Variants in PCDH7 observed in about 807,000 individuals in gnomAD.
The protein encoded by PCDH7 is protocadherin-7.
PCDH7 carries 17 observed loss-of-function variants against 58.9 expected under a neutral mutation model. That is an observed-to-expected ratio of 0.29 (90% confidence interval 0.20 to 0.43). PCDH7 has a LOEUF of 0.43. Ranked by LOEUF, PCDH7 falls within the 20% of genes least tolerant of loss-of-function variation. The pLI, the probability that PCDH7 is intolerant of heterozygous loss-of-function variation, is 1.00. For synonymous variants in PCDH7, 664 were observed against 616.4 expected (o/e 1.08, Z -1.14); for missense variants, 1,274 against 1,441.0 (o/e 0.88, Z 1.88).
rs148838411 is a variant in PCDH7 at position 30,974,145 on chromosome 4, G to GTTCTTTCT, written c.*7+23949_*7+23956dup. Among the ~76,000 whole-genome samples the GTTCTTTCT allele has an allele frequency of 3.9e-3, 593 of 150,894 alleles. 2 individuals carry two copies. Among genetic ancestry groups the GTTCTTTCT allele is most frequent in the Non-Finnish European group, 4.1e-3 (275 of 67,686 alleles). The stretch of plus-strand genomic sequence containing the variant: ...ATCCATGAATACTACTGGTGTTGCA[G>GTTCTTTCT]TTCTTTCTTTCTTTCTTTCTTTCTT... On this transcript the variant is annotated intron_variant, in intron 3 of 3. Coordinates refer to the PCDH7 transcript ENST00000509759.
At chr4:30,923,033 T>A (rs1426190672) in intron 2 of PCDH7, among the ~76,000 whole-genome samples, 1 of 152,188 alleles carries the variant, frequency 6.6e-6, no homozygotes, top group Admixed American at 6.5e-5. Flanking sequence ...TTAATTGGAA[T>A]CCAGGTAATC....
intron 1 of PCDH7, among the ~76,000 whole-genome samples, chr4:30,792,675 T>C (rs1226311481): frequency 1.3e-5 from 2 of 152,168 alleles, no homozygotes; most frequent in Admixed American, 6.5e-5. Flanking sequence ...GTTTTCTAAT[T>C]GCTACTGCTC....
intron 2 of PCDH7, among the ~76,000 whole-genome samples, chr4:30,932,578 T>A (rs1172935197): frequency 1.3e-5 from 2 of 152,214 alleles, no homozygotes; most frequent in Non-Finnish European, 2.9e-5. Context: ...ATCACTCATA[T>A]GTATATTTGT....
At chr4:31,081,436 T>G (rs1016816971) in intron 3 of PCDH7, among the ~76,000 whole-genome samples, 2 of 152,208 alleles carry the variant, frequency 1.3e-5, no homozygotes, top group East Asian at 3.8e-4. Flanking sequence ...TAACATTTTA[T>G]AAATGGAAAT....
chr4:31,042,885 G>T (rs1468865741), intron 3 of PCDH7, among the ~76,000 whole-genome samples: 1 of 152,092 alleles, frequency 6.6e-6, no homozygotes, highest in Non-Finnish European at 1.5e-5. Context: ...CGTTCTAGGG[G>T]CTGGAAAGTC....
intron 3 of PCDH7, among the ~76,000 whole-genome samples, chr4:31,068,994 G>C (rs996753422): frequency 2.6e-5 from 4 of 151,788 alleles, no homozygotes; most frequent in African/African-American, 4.8e-5. Flanking sequence ...AAATGTTGAG[G>C]GTAACAGAAA....
chr4:31,064,380 T>C (rs1757919074), intron 3 of PCDH7, among the ~76,000 whole-genome samples: 1 of 151,978 alleles, frequency 6.6e-6, no homozygotes, highest in Non-Finnish European at 1.5e-5. Flanking sequence ...GTTCTCTCTG[T>C]GTTTGTAGGG....
chr4:30,932,137 G>C (rs1313848552), intron 2 of PCDH7, among the ~76,000 whole-genome samples: 1 of 152,130 alleles, frequency 6.6e-6, no homozygotes, highest in African/African-American at 2.4e-5. Context: ...TCAGTTGTCA[G>C]TAATACTATG....
intron 3 of PCDH7, among the ~76,000 whole-genome samples, chr4:31,028,476 C>A (rs1754625927): frequency 6.6e-6 from 1 of 151,968 alleles, no homozygotes; most frequent in Admixed American, 6.6e-5. Flanking sequence ...TATAGTGAGA[C>A]CCTGCTCTAA....
At chr4:31,117,151 G>A (rs58001337) in intron 3 of PCDH7, among the ~76,000 whole-genome samples, 4,012 of 152,218 alleles carry the variant, frequency 0.026, 165 homozygotes, top group African/African-American at 0.092. Context: ...CAAAGTGCTG[G>A]CATTACAGGC....
chr4:31,131,101 G>T (rs892097858), intron 3 of PCDH7, among the ~76,000 whole-genome samples: 6 of 152,094 alleles, frequency 3.9e-5, no homozygotes, highest in African/African-American at 1.4e-4. Flanking sequence ...CCCAACACAG[G>T]GAGCACTGAG....
intron 1 of PCDH7, among the ~76,000 whole-genome samples, chr4:30,771,100 T>C (rs899161769): frequency 1.3e-5 from 2 of 152,212 alleles, no homozygotes; most frequent in African/African-American, 4.8e-5. Flanking sequence ...TACCTAAGTG[T>C]TCTAAACAGG....
At chr4:30,954,185 G>A (rs1747625618) in intron 3 of PCDH7, among the ~76,000 whole-genome samples, 1 of 152,158 alleles carries the variant, frequency 6.6e-6, no homozygotes, top group African/African-American at 2.4e-5. Context: ...TTCAGTGAGT[G>A]TCTATGCAGA....
intron 3 of PCDH7, among the ~76,000 whole-genome samples, chr4:31,084,672 GA>G (rs1712100717): frequency 7.6e-6 from 1 of 131,652 alleles, no homozygotes; most frequent in East Asian, 2.5e-4. Flanking sequence ...GAGAGAGAGA[GA>G]GAGATAAAGG....
intron 3 of PCDH7, among the ~76,000 whole-genome samples, chr4:31,046,294 T>C (rs1448026484): frequency 6.6e-6 from 1 of 152,002 alleles, no homozygotes; most frequent in Non-Finnish European, 1.5e-5. Flanking sequence ...TTTATACATA[T>C]GCCATGCTTG....
At chr4:31,133,775 T>C (rs1343524871) in intron 3 of PCDH7, among the ~76,000 whole-genome samples, 1 of 152,168 alleles carries the variant, frequency 6.6e-6, no homozygotes, top group African/African-American at 2.4e-5. Flanking sequence ...TCAGCAAGAC[T>C]GCTTGAGATG....
At chr4:30,968,469 C>A (rs1273947984) in intron 3 of PCDH7, among the ~76,000 whole-genome samples, 1 of 143,854 alleles carries the variant, frequency 7.0e-6, no homozygotes, top group Non-Finnish European at 1.5e-5. Context: ...AGCCTTCAAA[C>A]CAAGGTTGGA....
rs550376589 is a variant in PCDH7, at chr4:30,836,624, T to C, written c.71-83529T>C. On this transcript the variant is annotated intron_variant, in intron 1 of 3. Transcript: ENST00000509759. ...AAAATTTAAATTTCTCTCCTGAAAG[T>C]TTTATTGCAAAGAGGAATAGTTTTG... 3.9e-5 allele frequency among the ~76,000 whole-genome samples: 6 copies of C among 152,216 alleles called. No homozygotes were observed. In the South Asian group the frequency reaches 1.0e-3, roughly 26 times the overall value.
At chr4:30,931,823 CTT>C (rs59504939) in intron 2 of PCDH7, among the ~76,000 whole-genome samples, 18,027 of 140,116 alleles carry the variant, frequency 0.13, 1,415 homozygotes, top group Middle Eastern at 0.22. Flanking sequence ...TTTTTCAGGA[CTT>C]TTTTTTTTTT....
Sources: allele counts gnomAD v4.1 joint callset (sites outside exome capture counted in the v4.1 genomes callset), GRCh38; gene constraint gnomAD v4.1.1; transcripts MANE v1.5; gene names NCBI Gene and HGNC (gene_info 2026-07-23, HGNC 2026-07-21).